Variants in NUP107 observed in about 807,000 individuals in gnomAD.
NUP107 encodes the protein nuclear pore complex protein Nup107.
NUP107 carries 101 observed loss-of-function variants against 141.0 expected under a neutral mutation model. The ratio of observed to expected loss-of-function variants is 0.72; its 90% CI spans 0.61 to 0.84. The LOEUF (loss-of-function observed/expected upper bound fraction) is 0.84. NUP107 is among the 40% of genes least tolerant of loss of function. The probability of loss-of-function intolerance (pLI) is 0.00; values close to 1 mark genes in which losing one functional copy is unlikely to be tolerated. For missense variants in NUP107, 941 were observed against 1,102.7 expected (o/e 0.85, Z 2.08); for synonymous variants, 319 against 363.9 (o/e 0.88, Z 1.41).
chr12:68,741,845 A>G lies in NUP107; in HGVS notation c.2535A>G (p.Gln845=). 1 of 1,613,912 alleles carries G rather than the reference A, an allele frequency of 6.2e-7. No individual in the cohort carries two copies. Among genetic ancestry groups the G allele is most frequent in the Non-Finnish European group, 8.5e-7 (1 of 1,179,904 alleles). Residue 845 remains glutamine, a synonymous_variant, in exon 27 of 28, where the codon CAA becomes CAG. Transcript: ENST00000229179. ...DAKEDHERTH[Q]MVLLRKLCLP... ...AAGAAGACCATGAAAGAACACATCAAATGGTCTTACTGAGAAAGCTTTGTC... is the reference window on the plus strand; with the variant it reads ...AAGAAGACCATGAAAGAACACATCAGATGGTCTTACTGAGAAAGCTTTGTC...
intron 8 of NUP107, among the ~76,000 whole-genome samples, chr12:68,707,602 T>C (rs1420702069): frequency 7.3e-5 from 11 of 151,424 alleles, no homozygotes. Context: ...CTGTCTCAAA[T>C]AAAAGATCAT....
intron 26 of NUP107, among the ~76,000 whole-genome samples, chr12:68,741,130 A>T (rs1299595173): frequency 6.6e-6 from 1 of 152,072 alleles, no homozygotes; most frequent in Non-Finnish European, 1.5e-5. Context: ...TAATTTTCAA[A>T]TTTTTTGTAA....
At position 68,726,609 on chromosome 12, in the gene NUP107, C is replaced by A; in HGVS notation, c.1687C>A (p.Gln563Lys). The A allele has an allele frequency of 6.3e-7, 1 of 1,592,014 alleles. No homozygotes were observed. The highest frequency in any genetic ancestry group is 8.6e-7 in the Non-Finnish European group (1 of 1,160,072). Residue 563 changes from glutamine to lysine, a missense_variant, in exon 19 of 28, where the codon CAG becomes AAG. Gln to Lys is a moderately conservative substitution (Grantham distance 53). Coordinates refer to ENST00000229179, the MANE Select transcript of NUP107 (RefSeq NM_020401.4). The part of the protein sequence containing the change: ...LILFFRTLGL[Q>K]TKEEVSIEVL... ...TTTGTTTTTCCGTACTCTGGGACTA[C>A]AGACCAAGGTATATAAAAATGAACG...
At chr12:68,736,811 C>T (rs745943203) in intron 26 of NUP107, among the ~76,000 whole-genome samples, 82 of 149,056 alleles carry the variant, frequency 5.5e-4, no homozygotes, top group Admixed American at 4.7e-4. Context: ...CCCAGATCCT[C>T]TTGCCTCAGC....
At position 68,710,066 on chromosome 12, in the gene NUP107, T is replaced by C; in HGVS notation, c.863T>C (p.Ile288Thr). ...KDEIGEFSDN[I>T]EFYAKSVYWE... is the part of the protein sequence containing the mutation. ...GAAATTGGAGAATTTTCTGATAATA[T>C]TGAGTTTTATGCAAAATCAGTATAT... The change falls in exon 10 of 28, where the codon ATT (isoleucine) becomes ACT (threonine). Residue 288 changes from isoleucine to threonine, a missense_variant. Coordinates refer to ENST00000229179, the MANE Select transcript of NUP107 (RefSeq NM_020401.4). 1 of 1,583,028 alleles carries C rather than the reference T, an allele frequency of 6.3e-7. No individual in the cohort carries two copies. The highest frequency in any genetic ancestry group is 1.1e-5 in the South Asian group (1 of 90,316).
chr12:68,710,704 TAAC>T (rs1022536747), intron 10 of NUP107, among the ~76,000 whole-genome samples: 8 of 135,812 alleles, frequency 5.9e-5, no homozygotes, highest in African/African-American at 2.2e-4. Flanking sequence ...ACAATAAAAA[TAAC>T]AAGATAAAAA....
rs2136018246 is a variant in NUP107 at position 68,710,150 on chromosome 12, C to CA, written c.890+57_890+58insA. The CA allele has an allele frequency of 5.6e-6, 5 of 888,086 alleles. No homozygotes were observed. The South Asian group carries it at 6.9e-5, about 12-fold the overall frequency. 55.0% of individuals were successfully genotyped at this position (888,086 alleles called of 1,614,324 possible). ...CTCAATGTTGATATTGTTCATTCAT[C>CA]TTTCAATAAGTATTATTCAGTTTTT... On this transcript the variant is annotated intron_variant, in intron 10 of 27. Transcript: ENST00000229179.
At chr12:68,700,182 G>A (rs1438059783) in intron 6 of NUP107, among the ~76,000 whole-genome samples, 1 of 152,146 alleles carries the variant, frequency 6.6e-6, no homozygotes, top group African/African-American at 2.4e-5. Flanking sequence ...GGGATTACAA[G>A]CGTGAGTCAC....
At position 68,688,978 on chromosome 12, in the gene NUP107, A is replaced by G. The variant is rs757441011; in HGVS notation, c.25A>G (p.Ile9Val). The G allele has an allele frequency of 6.2e-7, 1 of 1,613,196 alleles. No homozygotes were observed. Among genetic ancestry groups the G allele is most frequent in the Non-Finnish European group, 8.5e-7 (1 of 1,179,408 alleles). ...CTACTTTAGGAGTGGCTTTGGAGAG[A>G]TATCATCCCCTGTAATCCGGGAGGC... is the stretch of plus-strand genomic sequence containing the variant. MDRSGFGEISSPVIREAEV... is the reference protein window; with the variant it reads MDRSGFGEVSSPVIREAEV... The change falls in exon 2 of 28, where the codon ATA (isoleucine) becomes GTA (valine). Residue 9 changes from isoleucine to valine, a missense_variant. Physicochemically the swap from Ile to Val is conservative, Grantham distance 29 (BLOSUM62 3). Coordinates refer to ENST00000229179, the MANE Select transcript of NUP107 (RefSeq NM_020401.4).
At chr12:68,711,742 T>G (rs1414890334) in intron 10 of NUP107, among the ~76,000 whole-genome samples, 1 of 152,036 alleles carries the variant, frequency 6.6e-6, no homozygotes, top group East Asian at 1.9e-4. Flanking sequence ...AAGAAGCCAG[T>G]GGGAACACAG....
Position 68,719,368 on chromosome 12 carries a change from C to A in NUP107, c.1111C>A (p.Gln371Lys), listed in dbSNP as rs978387285. ...EAQRLCKRCGQAWRAATLEGW... is the reference protein window; with the variant it reads ...EAQRLCKRCGKAWRAATLEGW... ...ACAACGACTCTGTAAACGCTGTGGTCAAGCATGGAGAGCTGCAACACTTGA... is the reference window on the plus strand; with the variant it reads ...ACAACGACTCTGTAAACGCTGTGGTAAAGCATGGAGAGCTGCAACACTTGA... Residue 371 changes from glutamine (Q) to lysine (K), a missense_variant, in exon 13 of 28, where the codon CAA (glutamine) becomes AAA (lysine). By Grantham distance (53) the Gln-to-Lys change is moderately conservative. Coordinates refer to ENST00000229179, the MANE Select transcript of NUP107 (RefSeq NM_020401.4). 1.2e-6 allele frequency: 2 copies of A among 1,614,066 alleles called. No individual in the cohort carries two copies. Among genetic ancestry groups the A allele is most frequent in the South Asian group, 2.2e-5 (2 of 91,020 alleles).
chr12:68,733,376 A>G (rs1877922778), intron 23 of NUP107, 76 bp from the exon 24 acceptor site: 11 of 1,396,412 alleles, frequency 7.9e-6, no homozygotes, highest in Non-Finnish European at 1.1e-5. Flanking sequence ...AAATTGGTAA[A>G]CCAGTGATTT....
chr12:68,733,310 T>C, intron 23 of NUP107, 142 bp from the exon 24 acceptor site: 1 of 595,826 alleles, frequency 1.7e-6, no homozygotes, highest in Non-Finnish European at 2.7e-6. Flanking sequence ...GGTAGAAAGA[T>C]CACCAAGACC....
At chr12:68,727,719 A>G (rs1030013092) in intron 20 of NUP107, among the ~76,000 whole-genome samples, 27 of 152,190 alleles carry the variant, frequency 1.8e-4, no homozygotes, top group African/African-American at 6.5e-4. Context: ...ATCCCTCAGT[A>G]TACTTGGGGG....
At chr12:68,737,198 A>G (rs35086273) in intron 26 of NUP107, among the ~76,000 whole-genome samples, 3 of 152,220 alleles carry the variant, frequency 2.0e-5, no homozygotes, top group Non-Finnish European at 4.4e-5. Flanking sequence ...TTATACATAC[A>G]TCTTTGCTAT....
intron 8 of NUP107, chr12:68,706,042 GACA>G: frequency 1.2e-6 from 1 of 826,614 alleles, no homozygotes; most frequent in South Asian, 1.3e-5. Flanking sequence ...GAGCAACATG[GACA>G]ACATGTTCGA....
At chr12:68,701,417 C>T (rs951328654) in intron 7 of NUP107, among the ~76,000 whole-genome samples, 7 of 152,216 alleles carry the variant, frequency 4.6e-5, no homozygotes, top group African/African-American at 1.7e-4. Context: ...CACAGTGGCT[C>T]ATGCCTGTAA....
At chr12:68,702,490 C>G (rs1395081878) in intron 7 of NUP107, among the ~76,000 whole-genome samples, 1 of 152,102 alleles carries the variant, frequency 6.6e-6, no homozygotes, top group Non-Finnish European at 1.5e-5. Flanking sequence ...GTCTTAAACT[C>G]CTGACCTCAA....
Position 68,726,482 on chromosome 12 carries a change from A to G in NUP107, c.1577-17A>G. 6.7e-7 allele frequency: 1 copy of G among 1,494,288 alleles called. No homozygotes were observed. 92.6% of individuals were successfully genotyped at this position (1,494,288 alleles called of 1,614,324 possible). A position where few individuals can be genotyped will look rare whatever the true frequency, so the allele number is the denominator to read the frequency against. On this transcript the variant is annotated splice_polypyrimidine_tract_variant and intron_variant, in intron 18 of 27. Transcript: ENST00000229179. ...ATTTTATTCCTATTGTTGAATCTTC[A>G]CTTTGATGGCTTGTAGGTTTGATGG...
Sources: allele counts gnomAD v4.1 joint callset (sites outside exome capture counted in the v4.1 genomes callset), GRCh38; gene constraint gnomAD v4.1.1; transcripts MANE v1.5; gene names NCBI Gene and HGNC (gene_info 2026-07-23, HGNC 2026-07-21).